SLC26A8: variants seen among roughly 807,000 people sequenced by gnomAD.
The protein encoded by SLC26A8 is testis anion transporter 1.
Under a neutral mutation model 105.0 loss-of-function variants are expected in SLC26A8, and 70 were observed. The observed-to-expected ratio is 0.67, with a 90% CI of 0.55 to 0.81. The LOEUF (loss-of-function observed/expected upper bound fraction) is 0.81. Ranked by LOEUF, SLC26A8 falls within the 40% of genes least tolerant of loss-of-function variation. The pLI is 0.00. For synonymous variants in SLC26A8, 415 were observed against 438.3 expected, an observed-to-expected ratio of 0.95 and a Z score of 0.66; for missense variants, 998 against 1,181.8, an observed-to-expected ratio of 0.84 and a Z score of 2.28.
chr6:36,003,411 A>G (rs1284389364), intron 3 of SLC26A8, among the ~76,000 whole-genome samples: 2 of 152,136 alleles, frequency 1.3e-5, no homozygotes, highest in African/African-American at 2.4e-5. Context: ...GCAATATTGT[A>G]CTGTGTTAAT....
intron 3 of SLC26A8, among the ~76,000 whole-genome samples, chr6:36,010,945 A>G (rs1484253742): frequency 1.3e-5 from 2 of 152,186 alleles, no homozygotes; most frequent in Admixed American, 6.5e-5. Context: ...TTAAAAAGTT[A>G]TCTGTTTTCC....
intron 11 of SLC26A8, among the ~76,000 whole-genome samples, chr6:35,966,938 TTTTG>T (rs1186795794): frequency 6.6e-6 from 1 of 152,206 alleles, no homozygotes; most frequent in Non-Finnish European, 1.5e-5. Flanking sequence ...CTCTGATAAT[TTTTG>T]TTTGTTTGGA....
At chr6:35,968,589 A>ATGTGTGTGTGTGTGTG (rs1281355415) in intron 11 of SLC26A8, among the ~76,000 whole-genome samples, 1 of 61,416 alleles carries the variant, frequency 1.6e-5, no homozygotes, top group East Asian at 5.1e-4. Flanking sequence ...ATATGTGTGT[A>ATGTGTGTGTGTGTGTG]TGTGTGTGTG....
chr6:35,946,447 G>A (rs1771678326), intron 19 of SLC26A8, among the ~76,000 whole-genome samples: 1 of 152,110 alleles, frequency 6.6e-6, no homozygotes, highest in African/African-American at 2.4e-5. Context: ...ATGTTGGCCA[G>A]GCTAGTCTCG....
chr6:35,992,175 T>C (rs1456889529), intron 6 of SLC26A8, among the ~76,000 whole-genome samples: 1 of 152,222 alleles, frequency 6.6e-6, no homozygotes, highest in Non-Finnish European at 1.5e-5. Context: ...ATCCTTTAGA[T>C]GTTTTAGGAT....
In SLC26A8 at chr6:36,003,762, C is replaced by T. The variant is rs558498048; in HGVS notation, c.329-3654G>A. 4.6e-5 allele frequency among the ~76,000 whole-genome samples: 7 copies of T among 151,034 alleles called. No homozygotes were observed. In the East Asian group the frequency reaches 1.2e-3, roughly 26 times the overall value. On this transcript the variant is annotated intron_variant, in intron 3 of 19. Coordinates refer to ENST00000490799, the MANE Select transcript of SLC26A8 (RefSeq NM_052961.4). ...CTGCAAGCTCCGCCTCCCGGGTTCACGCCATTCTCCTGCCTCAGCCTCCTG... is the reference window on the plus strand; with the variant it reads ...CTGCAAGCTCCGCCTCCCGGGTTCATGCCATTCTCCTGCCTCAGCCTCCTG...
At chr6:35,947,132 G>A (rs1191494279) in intron 19 of SLC26A8, among the ~76,000 whole-genome samples, 1 of 152,144 alleles carries the variant, frequency 6.6e-6, no homozygotes, top group Non-Finnish European at 1.5e-5. Context: ...GGGTTAAAGT[G>A]ATTCTCATGC....
chr6:36,002,866 G>A (rs1436181453), intron 3 of SLC26A8, among the ~76,000 whole-genome samples: 1 of 152,000 alleles, frequency 6.6e-6, no homozygotes, highest in Non-Finnish European at 1.5e-5. Flanking sequence ...ACCATGCCCG[G>A]CTAATTTTTG....
chr6:36,009,708 C>T (rs773325307), intron 3 of SLC26A8, among the ~76,000 whole-genome samples: 1 of 152,196 alleles, frequency 6.6e-6, no homozygotes, highest in Non-Finnish European at 1.5e-5. Flanking sequence ...GGACAGGAGG[C>T]AGGTAGTGGT....
intron 16 of SLC26A8, among the ~76,000 whole-genome samples, 162 bp downstream of exon 16, chr6:35,959,298 C>A (rs1293603856): frequency 2.0e-5 from 3 of 151,778 alleles, no homozygotes; most frequent in African/African-American, 7.3e-5. Flanking sequence ...TTCAGTCAAG[C>A]CTCCAAGGTG....
At chr6:36,000,243 T>C (rs1761482328) in intron 3 of SLC26A8, 135 bp from the exon 4 acceptor site, 1 of 619,816 alleles carries the variant, frequency 1.6e-6, no homozygotes, top group Middle Eastern at 3.0e-4. Flanking sequence ...TTTCTGGACA[T>C]ACAATCCTTC....
Position 35,989,471 on chromosome 6 carries a change from T to C in SLC26A8, c.942+2188A>G, listed in dbSNP as rs542910309. On this transcript the variant is annotated intron_variant, in intron 7 of 19. Transcript: ENST00000490799. ...CTTATTGATGAAAAGTACTCTCTTG[T>C]AGGAAATCATTACACACATTACAAT... 2.0e-5 allele frequency: 3 copies of C among 152,344 alleles called. No homozygotes were observed. The South Asian group carries it at 6.2e-4, about 32-fold the overall frequency. 9.4% of individuals were successfully genotyped at this position (152,344 alleles called of 1,614,324 possible). A position where few individuals can be genotyped will look rare whatever the true frequency, so the allele number is the denominator to read the frequency against.
chr6:35,992,738 A>C, intron 5 of SLC26A8, 64 bp from the exon 6 acceptor site: 1 of 1,483,178 alleles, frequency 6.7e-7, no homozygotes, highest in Non-Finnish European at 9.0e-7. Flanking sequence ...CACCAATGGC[A>C]CTCTCCAGGA....
At chr6:35,958,219 G>C (rs190544438) in intron 16 of SLC26A8, among the ~76,000 whole-genome samples, 1 of 152,184 alleles carries the variant, frequency 6.6e-6, no homozygotes. Context: ...TTAGAATCTA[G>C]CTGGGTGTGG....
At chr6:36,021,762 A>G (rs1762131773) in intron 1 of SLC26A8, among the ~76,000 whole-genome samples, 1 of 152,074 alleles carries the variant, frequency 6.6e-6, no homozygotes, top group Non-Finnish European at 1.5e-5. Flanking sequence ...GTTTACGTAT[A>G]CATATAAATA....
chr6:35,965,642 A>AT (rs371550584), intron 11 of SLC26A8, among the ~76,000 whole-genome samples: 2 of 147,936 alleles, frequency 1.4e-5, no homozygotes, highest in African/African-American at 5.0e-5. Context: ...AGATTGCGCC[A>AT]TTGCACTCCA....
Position 35,943,860 on chromosome 6 carries a change from T to C in SLC26A8, c.*40A>G. 1 of 1,592,828 alleles carries C rather than the reference T, an allele frequency of 6.3e-7. No individual in the cohort carries two copies. Among genetic ancestry groups the C allele is most frequent in the Non-Finnish European group, 8.6e-7 (1 of 1,167,066 alleles). ...ATTGACCCCTTTTTGGGTAGGAGGA[T>C]TTGCCAGCATTATCTGACCCCTTAT... is the stretch of plus-strand genomic sequence containing the variant. On this transcript the variant is annotated 3_prime_UTR_variant, in exon 20 of 20. Coordinates refer to ENST00000490799, the MANE Select transcript of SLC26A8 (RefSeq NM_052961.4).
chr6:36,012,214 G>A lies in SLC26A8; in HGVS notation c.328+19C>T, dbSNP rs1761879232. 1 of 1,609,816 alleles carries A rather than the reference G, an allele frequency of 6.2e-7. No homozygotes were observed. The stretch of plus-strand genomic sequence containing the variant: ...CTGATACATTGTCTTTGGATGAACA[G>A]GCTTCATATCTTCCTTACCTTGGGG... On this transcript the variant is annotated intron_variant, in intron 3 of 19. Transcript: ENST00000490799.
chr6:35,973,263 G>T (rs1772866776), intron 10 of SLC26A8, among the ~76,000 whole-genome samples: 1 of 152,028 alleles, frequency 6.6e-6, no homozygotes, highest in South Asian at 2.1e-4. Flanking sequence ...AGTCTCTTTG[G>T]AGTCTCTTTG....
Sources: gnomAD v4.1 joint callset for allele counts (sites outside exome capture counted in the v4.1 genomes callset) on GRCh38, gnomAD v4.1.1 for gene constraint, MANE v1.5 for transcripts, NCBI Gene and HGNC (gene_info 2026-07-23, HGNC 2026-07-21) for gene names.